The following LRP1B variants were observed in gnomAD, a reference collection of about 807,000 sequenced individuals.
LRP1B encodes LDL receptor related protein 1B.
In LRP1B, 217 loss-of-function variants were observed where a neutral mutation model predicts 556.6. The ratio of observed to expected loss-of-function variants is 0.39; its 90% CI spans 0.35 to 0.44. The LOEUF (loss-of-function observed/expected upper bound fraction) is 0.44, where lower values mean the gene tolerates loss of function less well. Ranked by LOEUF, LRP1B falls within the 20% of genes least tolerant of loss-of-function variation. LRP1B has a pLI of 1.00. For missense variants in LRP1B, 5,053 were observed against 5,620.8 expected (o/e 0.90, Z 3.23); for synonymous variants, 2,047 against 1,865.8 (o/e 1.10, Z -2.50).
intron 3 of LRP1B, among the ~76,000 whole-genome samples, chr2:141,312,811 C>T (rs1573789780): frequency 6.6e-6 from 1 of 151,974 alleles, no homozygotes; most frequent in African/African-American, 2.4e-5. Context: ...GCCTCAGCCT[C>T]CTGAGTAGCT....
chr2:142,113,113 T>C (rs146311082), intron 1 of LRP1B, among the ~76,000 whole-genome samples: 1 of 151,938 alleles, frequency 6.6e-6, no homozygotes, highest in African/African-American at 2.4e-5. Flanking sequence ...AGACAGGAAA[T>C]AGACACAGAG....
At position 141,260,552 on chromosome 2, in the gene LRP1B, A is replaced by C. The variant is rs1221331825; in HGVS notation, c.344-5911T>G. ...CCAATAGAGGTCTTTTTTCCTCATT[A>C]GTTTTGTTTACATAAATAGCTCTAA... On this transcript the variant is annotated intron_variant, in intron 3 of 90. Transcript: ENST00000389484. Among the ~76,000 whole-genome samples, 7 of 152,118 alleles carry C rather than the reference A, an allele frequency of 4.6e-5. 1 individual carries two copies. Among genetic ancestry groups the C allele is most frequent in the Admixed American group, 4.6e-4 (7 of 15,278 alleles).
intron 27 of LRP1B, among the ~76,000 whole-genome samples, chr2:140,858,501 G>GGA (rs35791983): frequency 0.19 from 26,040 of 139,802 alleles, 2,458 homozygotes; most frequent in Admixed American, 0.22. Flanking sequence ...TTATATATAT[G>GGA]GAGAGAGAGA....
chr2:140,753,400 T>G (rs1436558982), intron 35 of LRP1B, among the ~76,000 whole-genome samples: 1 of 152,172 alleles, frequency 6.6e-6, no homozygotes, highest in Non-Finnish European at 1.5e-5. Flanking sequence ...AGTTACTTGA[T>G]CTCACATTTC....
At position 141,649,378 on chromosome 2, in the gene LRP1B, G is replaced by A. The variant is rs148707942; in HGVS notation, c.205+160901C>T. On this transcript the variant is annotated intron_variant, in intron 2 of 90. Transcript: ENST00000389484. ...CAAATTCAAAACCAAGAAGTAAAGT[G>A]TGAAATGGCAATATTCTCTTCTTAC... Among the ~76,000 whole-genome samples the A allele has an allele frequency of 1.2e-4, 19 of 152,232 alleles. No homozygotes were observed. In the East Asian group the frequency reaches 2.9e-3, roughly 23 times the overall value.
At chr2:140,842,902 A>G (rs538576687) in intron 29 of LRP1B, among the ~76,000 whole-genome samples, 34 of 152,252 alleles carry the variant, frequency 2.2e-4, no homozygotes, top group African/African-American at 6.7e-4. Context: ...ATTATAATAC[A>G]TTAGATAATG....
chr2:141,686,295 G>A (rs1467755090), intron 2 of LRP1B, among the ~76,000 whole-genome samples: 1 of 151,730 alleles, frequency 6.6e-6, no homozygotes, highest in African/African-American at 2.4e-5. Flanking sequence ...ATGTTGTAAT[G>A]GGCTTATTAT....
intron 23 of LRP1B, among the ~76,000 whole-genome samples, chr2:140,894,668 G>T (rs890395685): frequency 6.6e-6 from 1 of 152,216 alleles, no homozygotes; most frequent in Admixed American, 6.5e-5. Flanking sequence ...AAAATGATAG[G>T]CCGGGCACGG....
chr2:141,213,228 G>A (rs1682645299), intron 6 of LRP1B, among the ~76,000 whole-genome samples: 2 of 151,426 alleles, frequency 1.3e-5, no homozygotes, highest in African/African-American at 4.9e-5. Context: ...TGGGATTACA[G>A]ACATGAGCCC....
intron 43 of LRP1B, among the ~76,000 whole-genome samples, chr2:140,543,889 C>A (rs906636183): frequency 8.6e-5 from 13 of 151,732 alleles, no homozygotes; most frequent in African/African-American, 2.9e-4. Flanking sequence ...TAGCTATGAA[C>A]AATTGGAAAT....
chr2:141,301,566 G>A (rs1205728855), intron 3 of LRP1B, among the ~76,000 whole-genome samples: 1 of 152,072 alleles, frequency 6.6e-6, no homozygotes, highest in Non-Finnish European at 1.5e-5. Flanking sequence ...ATCCCTATGA[G>A]GTACACTTTC....
chr2:140,308,566 T>TG (rs1298132434), intron 83 of LRP1B, among the ~76,000 whole-genome samples: 1 of 151,870 alleles, frequency 6.6e-6, no homozygotes, highest in Non-Finnish European at 1.5e-5. Context: ...AGCTTGGTCC[T>TG]GGTTGAGTCA....
At chr2:141,350,065 T>C (rs939747854) in intron 3 of LRP1B, among the ~76,000 whole-genome samples, 2 of 152,018 alleles carry the variant, frequency 1.3e-5, no homozygotes, top group Admixed American at 6.6e-5. Flanking sequence ...AACTCCCGTT[T>C]TTAAAACCAT....
At chr2:141,513,692 GT>G (rs1684207838) in intron 2 of LRP1B, among the ~76,000 whole-genome samples, 1 of 151,214 alleles carries the variant, frequency 6.6e-6, no homozygotes, top group African/African-American at 2.4e-5. Context: ...TTTATTTTTT[GT>G]TTTTTAAAGG....
intron 7 of LRP1B, among the ~76,000 whole-genome samples, chr2:141,171,682 T>A (rs1013244642): frequency 2.0e-5 from 3 of 151,910 alleles, no homozygotes; most frequent in Non-Finnish European, 4.4e-5. Flanking sequence ...AGCGTAAGAG[T>A]GTAGGCTGTG....
At chr2:141,579,771 C>A in intron 2 of LRP1B, among the ~76,000 whole-genome samples, 1 of 123,564 alleles carries the variant, frequency 8.1e-6, no homozygotes, top group Non-Finnish European at 1.6e-5. Context: ...GTGATCTCGG[C>A]TCACTGAAAG....
intron 7 of LRP1B, among the ~76,000 whole-genome samples, chr2:141,093,138 T>C (rs1212575360): frequency 6.6e-6 from 1 of 151,434 alleles, no homozygotes; most frequent in Admixed American, 6.6e-5. Context: ...AATAATGCAG[T>C]AAAAAAAGAT....
chr2:140,438,929 C>T (rs1360263021), intron 66 of LRP1B, among the ~76,000 whole-genome samples: 1 of 151,996 alleles, frequency 6.6e-6, no homozygotes, highest in Non-Finnish European at 1.5e-5. Context: ...CACTAGAGAC[C>T]AAACAGAAAA....
rs923832370 is a variant in LRP1B, at chr2:142,084,844, G to A, written c.82+45804C>T. On this transcript the variant is annotated intron_variant, in intron 1 of 90. Coordinates refer to ENST00000389484, the MANE Select transcript of LRP1B (RefSeq NM_018557.3). ...AGATGACCTTTTACAAACGAAAGTA[G>A]TTTCAAAATTAAATACACTGACATT... Among the ~76,000 whole-genome samples the A allele has an allele frequency of 7.2e-5, 11 of 151,824 alleles. No homozygotes were observed. The South Asian group carries it at 2.3e-3, about 32-fold the overall frequency.
Sources: allele counts gnomAD v4.1 joint callset (sites outside exome capture counted in the v4.1 genomes callset), GRCh38; gene constraint gnomAD v4.1.1; transcripts MANE v1.5; gene names NCBI Gene and HGNC (gene_info 2026-07-23, HGNC 2026-07-21).